The following UBXN7 variants were observed in gnomAD, a reference collection of about 807,000 sequenced individuals.
The protein encoded by UBXN7 is UBX domain-containing protein 7.
In UBXN7, 9 loss-of-function variants were observed where a neutral mutation model predicts 58.0. The observed-to-expected ratio is 0.16, with a 90% CI of 0.09 to 0.27. The LOEUF (loss-of-function observed/expected upper bound fraction) is 0.27, where lower values mean the gene tolerates loss of function less well. UBXN7 is among the 10% of genes least tolerant of loss of function. The probability of loss-of-function intolerance (pLI) is 1.00; values close to 1 mark genes in which losing one functional copy is unlikely to be tolerated. For synonymous variants in UBXN7, 208 were observed against 205.0 expected, an observed-to-expected ratio of 1.01 and a Z score of -0.12; for missense variants, 328 against 599.6, an observed-to-expected ratio of 0.55 and a Z score of 4.73.
chr3:196,424,577 C>T (rs528508003), intron 1 of UBXN7, among the ~76,000 whole-genome samples: 5 of 151,564 alleles, frequency 3.3e-5, no homozygotes, highest in African/African-American at 1.2e-4. Context: ...TAGAAACAGG[C>T]TCTTTGCTAT....
intron 5 of UBXN7, among the ~76,000 whole-genome samples, chr3:196,388,353 T>C (rs892556828): frequency 6.6e-6 from 1 of 151,468 alleles, no homozygotes; most frequent in Non-Finnish European, 1.5e-5. Flanking sequence ...CTAATGTAAA[T>C]GAGTTGATGG....
At chr3:196,378,617 GCTC>G (rs1729103762) in intron 5 of UBXN7, among the ~76,000 whole-genome samples, 1 of 152,190 alleles carries the variant, frequency 6.6e-6, no homozygotes, top group African/African-American at 2.4e-5. Flanking sequence ...AGAACTGAGG[GCTC>G]CTCCTCCTTT....
intron 1 of UBXN7, among the ~76,000 whole-genome samples, chr3:196,412,230 CAAAAAAA>C (rs55746914): frequency 4.5e-5 from 4 of 89,094 alleles, no homozygotes; most frequent in Middle Eastern, 6.5e-3. Flanking sequence ...GACTTTGTCT[CAAAAAAA>C]AAAAAAAAAA....
chr3:196,368,718 T>A (rs1180172445), intron 7 of UBXN7, among the ~76,000 whole-genome samples: 8 of 152,220 alleles, frequency 5.3e-5, no homozygotes, highest in African/African-American at 1.9e-4. Context: ...AATATCTATA[T>A]AAAACACCAT....
At chr3:196,381,967 C>A (rs1367073183) in intron 5 of UBXN7, among the ~76,000 whole-genome samples, 4 of 152,072 alleles carry the variant, frequency 2.6e-5, no homozygotes, top group Admixed American at 2.0e-4. Context: ...ACAAACAAAG[C>A]CTCCAAGAAA....
intron 1 of UBXN7, among the ~76,000 whole-genome samples, chr3:196,410,296 G>A (rs573550747): frequency 2.0e-4 from 30 of 152,116 alleles, no homozygotes; most frequent in African/African-American, 7.2e-4. Flanking sequence ...CAGCAGCAGG[G>A]TTACTCATGT....
intron 3 of UBXN7, chr3:196,393,875 T>C (rs746464632): frequency 2.5e-4 from 64 of 257,538 alleles, no homozygotes; most frequent in Non-Finnish European, 4.1e-4. Flanking sequence ...AATAAAAAAG[T>C]TTAAAAACTT....
At position 196,393,471 on chromosome 3, in the gene UBXN7, G is replaced by C. The variant is rs1729646104; in HGVS notation, c.355+83C>G. 3.8e-6 allele frequency: 5 copies of C among 1,309,808 alleles called. No individual in the cohort carries two copies. The African/African-American group carries it at 5.9e-5, about 16-fold the overall frequency. The allele number at this position is 1,309,808 out of a possible 1,614,324, so 81.1% of individuals were successfully genotyped here. A position where few individuals can be genotyped will look rare whatever the true frequency, so the allele number is the denominator to read the frequency against. On this transcript the variant is annotated intron_variant, in intron 4 of 10. Coordinates refer to ENST00000296328, the MANE Select transcript of UBXN7 (RefSeq NM_015562.2). ...TTTTAAAGAAGGTGAAAACTTAAAA[G>C]TAATTGGGCCTAATAGTAATCATCT...
rs368855542 is a variant in UBXN7 at position 196,370,127 on chromosome 3, CAAAAAAA to C, written c.616-623_616-617del. ...CCCAGCGACAATGCAAGACTTGTCT[CAAAAAAA>C]AAAAAAAAAAAAAAAGATTATGGCT... On this transcript the variant is annotated intron_variant, in intron 6 of 10. Transcript: ENST00000296328. Among the ~76,000 whole-genome samples, 5 of 73,428 alleles carry C rather than the reference CAAAAAAA, an allele frequency of 6.8e-5. No individual in the cohort carries two copies. The East Asian group carries it at 2.5e-3, about 37-fold the overall frequency. 48.2% of individuals were successfully genotyped at this position (73,428 alleles called of 152,430 possible).
chr3:196,425,598 G>A (rs747751376), intron 1 of UBXN7, among the ~76,000 whole-genome samples: 122 of 152,082 alleles, frequency 8.0e-4, no homozygotes, highest in Middle Eastern at 3.4e-3. Context: ...ACTATTCTCA[G>A]AATAAAGACA....
At chr3:196,389,689 G>A (rs914828303) in intron 5 of UBXN7, among the ~76,000 whole-genome samples, 4 of 152,184 alleles carry the variant, frequency 2.6e-5, no homozygotes, top group African/African-American at 9.7e-5. Context: ...GCAGATGTCA[G>A]CACAATGCTT....
In UBXN7 at chr3:196,362,593, T is replaced by C; in HGVS notation, c.929A>G (p.Gln310Arg). ...ETHFDSTQTKQDSRSDEESES... is the reference protein window; with the variant it reads ...ETHFDSTQTKRDSRSDEESES... ...AGATTCTTCATCTGAGCGGCTATCC[T>C]GTTTTGTCTGTGTTGAATCAAAATG... is the stretch of plus-strand genomic sequence containing the variant. The change falls in exon 9 of 11, where the codon CAG (glutamine) becomes CGG (arginine). Residue 310 changes from glutamine to arginine, a missense_variant. Transcript: ENST00000296328. The C allele has an allele frequency of 6.2e-7, 1 of 1,614,238 alleles. No individual in the cohort carries two copies. The highest frequency in any genetic ancestry group is 8.5e-7 in the Non-Finnish European group (1 of 1,180,046).
Position 196,352,849 on chromosome 3 carries a change from G to C in UBXN7, c.*3836C>G, listed in dbSNP as rs1043384120. On this transcript the variant is annotated 3_prime_UTR_variant, in exon 11 of 11. Coordinates refer to ENST00000296328, the MANE Select transcript of UBXN7 (RefSeq NM_015562.2). The surrounding 1 kb of genome is among the most constrained non-coding windows in gnomAD (Gnocchi z 4.1). ...TCTACTAAAAATGCAAAAATTAGCC[G>C]GGCGTGGTGGCGCTCACCTATTAAA... 7.2e-5 allele frequency: 11 copies of C among 151,804 alleles called. No homozygotes were observed. The highest frequency in any genetic ancestry group is 2.0e-4 in the Admixed American group (3 of 15,224). The allele number at this position is 151,804 out of a possible 1,614,324, so 9.4% of individuals were successfully genotyped here. A position where few individuals can be genotyped will look rare whatever the true frequency, so the allele number is the denominator to read the frequency against.
At chr3:196,386,380 T>TAAAAAAAA (rs34268326) in intron 5 of UBXN7, among the ~76,000 whole-genome samples, 123 of 57,732 alleles carry the variant, frequency 2.1e-3, no homozygotes, top group Non-Finnish European at 2.7e-3. Flanking sequence ...TAATAAACAC[T>TAAAAAAAA]AAAAAAAAAA....
intron 8 of UBXN7, among the ~76,000 whole-genome samples, chr3:196,367,491 G>A (rs1328714575): frequency 2.6e-5 from 4 of 152,098 alleles, no homozygotes; most frequent in South Asian, 2.1e-4. Context: ...ACTTCCAGCC[G>A]GCTGTGGTGG....
intron 1 of UBXN7, among the ~76,000 whole-genome samples, chr3:196,430,144 C>T (rs996728520): frequency 6.6e-6 from 1 of 151,954 alleles, no homozygotes; most frequent in Non-Finnish European, 1.5e-5. Context: ...CATTTGAGGA[C>T]AGGAGTTCAA....
chr3:196,369,628 G>A lies in UBXN7; in HGVS notation c.616-117C>T, dbSNP rs78980558. Reference sequence around the variant, plus strand: ...AATATACCTCCGGCCTATGTATTAAGATCTCACTCCTACACTAAAAAGAAA... The same window carrying A: ...AATATACCTCCGGCCTATGTATTAAAATCTCACTCCTACACTAAAAAGAAA... On this transcript the variant is annotated intron_variant, in intron 6 of 10. Coordinates refer to ENST00000296328, the MANE Select transcript of UBXN7 (RefSeq NM_015562.2). The A allele has an allele frequency of 2.1e-3, 1,463 of 693,810 alleles. 19 individuals are homozygous for A. In the African/African-American group the frequency reaches 0.023, roughly 11 times the overall value. The allele number at this position is 693,810 out of a possible 1,614,324, so 43.0% of individuals were successfully genotyped here.
At position 196,353,531 on chromosome 3, in the gene UBXN7, A is replaced by C. The variant is rs1454293237; in HGVS notation, c.*3154T>G. 1.4e-5 allele frequency: 2 copies of C among 147,068 alleles called. No individual in the cohort carries two copies. Among genetic ancestry groups the C allele is most frequent in the Admixed American group, 6.9e-5 (1 of 14,480 alleles). The allele number at this position is 147,068 out of a possible 1,614,324, so 9.1% of individuals were successfully genotyped here. ...GAGATGGAGTGTCGCTTTGTCGCCCAGGCTGGAGTGTAATGGTGCGATCTT... is the reference window on the plus strand; with the variant it reads ...GAGATGGAGTGTCGCTTTGTCGCCCCGGCTGGAGTGTAATGGTGCGATCTT... On this transcript the variant is annotated 3_prime_UTR_variant, in exon 11 of 11. Transcript: ENST00000296328.
Position 196,348,198 on chromosome 3 carries a change from A to AT in UBXN7, c.*8486dup, listed in dbSNP as rs1449966761. On this transcript the variant is annotated 3_prime_UTR_variant, in exon 11 of 11. Coordinates refer to ENST00000296328, the MANE Select transcript of UBXN7 (RefSeq NM_015562.2). ...TAAGGCTTTCCCAAGCACCTTTATTATGACTTACTAGATATACAGGAGGGT... is the reference window on the plus strand; with the variant it reads ...TAAGGCTTTCCCAAGCACCTTTATTATTGACTTACTAGATATACAGGAGGGT... 6.6e-6 allele frequency: 1 copy of AT among 152,070 alleles called. No homozygotes were observed. Among genetic ancestry groups the AT allele is most frequent in the African/African-American group, 2.4e-5 (1 of 41,394 alleles). 9.4% of individuals were successfully genotyped at this position (152,070 alleles called of 1,614,324 possible). A position where few individuals can be genotyped will look rare whatever the true frequency, so the allele number is the denominator to read the frequency against.
Sources: gnomAD v4.1 joint callset for allele counts (sites outside exome capture counted in the v4.1 genomes callset) on GRCh38, gnomAD v4.1.1 for gene constraint, Gnocchi (gnomAD v3.1) non-coding constraint, MANE v1.5 for transcripts, NCBI Gene and HGNC (gene_info 2026-07-23, HGNC 2026-07-21) for gene names.